PLPP1: variants seen among roughly 807,000 people sequenced by gnomAD.
PLPP1 encodes lipid phosphate phosphohydrolase 1a.
Under a neutral mutation model 31.2 loss-of-function variants are expected in PLPP1, and 24 were observed. That is an observed-to-expected ratio of 0.77 (90% CI 0.56 to 1.08). PLPP1 has a LOEUF of 1.08. Among genes scored for constraint, PLPP1 ranks in the 50% least tolerant of loss-of-function variants. The pLI is 0.00. For synonymous variants in PLPP1, 146 were observed against 126.3 expected (o/e 1.16, Z -1.05); for missense variants, 319 against 342.7 (o/e 0.93, Z 0.55).
chr5:55,485,856 C>A (rs1476189512), intron 1 of PLPP1, among the ~76,000 whole-genome samples: 1 of 152,052 alleles, frequency 6.6e-6, no homozygotes, highest in African/African-American at 2.4e-5. Context: ...AATCATAAAA[C>A]AGTCCCCTAC....
At chr5:55,493,537 G>T (rs1752941452) in intron 1 of PLPP1, among the ~76,000 whole-genome samples, 1 of 151,822 alleles carries the variant, frequency 6.6e-6, no homozygotes, top group Non-Finnish European at 1.5e-5. Context: ...GAGGCCAGAA[G>T]TTCAAGACCA....
chr5:55,493,314 C>CA (rs572344012), intron 1 of PLPP1, among the ~76,000 whole-genome samples: 4,671 of 103,762 alleles, frequency 0.045, 86 homozygotes, highest in African/African-American at 0.06. Context: ...GACCCTGTCT[C>CA]AAAAAAAAAA....
At chr5:55,504,814 CTTTTTT>C (rs1170388009) in intron 1 of PLPP1, among the ~76,000 whole-genome samples, 1 of 138,036 alleles carries the variant, frequency 7.2e-6, no homozygotes, top group East Asian at 2.0e-4. Flanking sequence ...CCTAACTTTC[CTTTTTT>C]TTTTTTTTTT....
chr5:55,426,758 C>A (rs958477280), intron 4 of PLPP1, among the ~76,000 whole-genome samples: 2 of 152,098 alleles, frequency 1.3e-5, no homozygotes, highest in Non-Finnish European at 2.9e-5. Flanking sequence ...GCATTCTGGG[C>A]ACAGGTTGCC....
At chr5:55,532,043 A>G (rs1351367775) in intron 1 of PLPP1, among the ~76,000 whole-genome samples, 4 of 152,204 alleles carry the variant, frequency 2.6e-5, no homozygotes, top group African/African-American at 9.7e-5. Context: ...CTCCAAAACC[A>G]CCAAAAACAC....
At chr5:55,463,925 T>G (rs557821434) in intron 3 of PLPP1, among the ~76,000 whole-genome samples, 7 of 151,642 alleles carry the variant, frequency 4.6e-5, no homozygotes, top group Non-Finnish European at 1.0e-4. Context: ...TATAAAGAAC[T>G]CTTACAACTC....
chr5:55,430,939 AAT>A (rs750628752), intron 4 of PLPP1, among the ~76,000 whole-genome samples: 5 of 152,198 alleles, frequency 3.3e-5, no homozygotes, highest in Non-Finnish European at 7.3e-5. Context: ...CATTGAATGA[AAT>A]ATAAAATAGA....
intron 1 of PLPP1, among the ~76,000 whole-genome samples, chr5:55,477,864 C>T (rs1241481704): frequency 6.6e-6 from 1 of 151,756 alleles, no homozygotes; most frequent in Admixed American, 6.6e-5. Context: ...CCTGTAGTCC[C>T]GGCTACTTAG....
intron 3 of PLPP1, among the ~76,000 whole-genome samples, chr5:55,455,387 T>G (rs1344856846): frequency 6.6e-6 from 1 of 151,870 alleles, no homozygotes; most frequent in Middle Eastern, 3.2e-3. Flanking sequence ...AGCCCAGGTG[T>G]TTAAGACCAA....
intron 1 of PLPP1, among the ~76,000 whole-genome samples, chr5:55,486,637 G>T (rs1027835130): frequency 2.0e-5 from 3 of 151,758 alleles, no homozygotes; most frequent in Non-Finnish European, 4.4e-5. Context: ...AGCCTTGGTC[G>T]GGCGCCGTGG....
intron 3 of PLPP1, among the ~76,000 whole-genome samples, chr5:55,466,815 AATC>A (rs1752307308): frequency 2.6e-5 from 1 of 38,764 alleles, no homozygotes; most frequent in African/African-American, 5.7e-5. Flanking sequence ...TATCTAAAAA[AATC>A]AAACAAACAA....
chr5:55,451,916 GA>G (rs1322039521), intron 3 of PLPP1, among the ~76,000 whole-genome samples: 1 of 152,110 alleles, frequency 6.6e-6, no homozygotes, highest in East Asian at 1.9e-4. Flanking sequence ...TGCTGTTAGA[GA>G]AAAGAAACCA....
rs185880605 is a variant in PLPP1 at position 55,528,754 on chromosome 5, G to A, written c.58+5818C>T. 2.4e-3 allele frequency among the ~76,000 whole-genome samples: 371 copies of A among 152,202 alleles called. 1 individual carries two copies. Among genetic ancestry groups the A allele is most frequent in the African/African-American group, 8.7e-3 (362 of 41,520 alleles). On this transcript the variant is annotated intron_variant, in intron 1 of 5. Transcript: ENST00000307259. Reference sequence around the variant, plus strand: ...AAATATACCTTTTTATACAATATATGTATATATTAGCAGCAAACTACTGAG... The same window carrying A: ...AAATATACCTTTTTATACAATATATATATATATTAGCAGCAAACTACTGAG...
At chr5:55,450,253 T>C (rs558038541) in intron 3 of PLPP1, among the ~76,000 whole-genome samples, 1 of 152,238 alleles carries the variant, frequency 6.6e-6, no homozygotes, top group East Asian at 1.9e-4. Context: ...GTGAATCACA[T>C]GCCGAGTGAC....
chr5:55,501,753 C>A (rs1356658830), intron 1 of PLPP1, among the ~76,000 whole-genome samples: 1 of 152,216 alleles, frequency 6.6e-6, no homozygotes, highest in Non-Finnish European at 1.5e-5. Context: ...ATCCACCCCC[C>A]TCAGCCTCCC....
intron 1 of PLPP1, among the ~76,000 whole-genome samples, chr5:55,531,792 A>G (rs970077132): frequency 6.6e-6 from 1 of 152,242 alleles, no homozygotes; most frequent in African/African-American, 2.4e-5. Flanking sequence ...AAAGTTTTGT[A>G]TCTCCTGCAC....
At chr5:55,479,773 C>T (rs528667604) in intron 1 of PLPP1, among the ~76,000 whole-genome samples, 3 of 152,156 alleles carry the variant, frequency 2.0e-5, no homozygotes, top group African/African-American at 7.2e-5. Flanking sequence ...AATTTCTACT[C>T]CTTGAAACCA....
At chr5:55,526,521 GTTT>G (rs989500796) in intron 1 of PLPP1, among the ~76,000 whole-genome samples, 4 of 152,010 alleles carry the variant, frequency 2.6e-5, no homozygotes, top group African/African-American at 9.7e-5. Flanking sequence ...ATTTTTGTTC[GTTT>G]TTTGAGATTC....
chr5:55,453,073 A>G lies in PLPP1; in HGVS notation c.492-11165T>C, dbSNP rs147272136. On this transcript the variant is annotated intron_variant, in intron 3 of 5. Coordinates refer to ENST00000307259, the MANE Select transcript of PLPP1 (RefSeq NM_003711.4). ...AGTAGAATCTAAACTATTGAGTAAT[A>G]AAGTTTTATTTAATTATCCAAGATA... Among the ~76,000 whole-genome samples, 412 of 152,316 alleles carry G rather than the reference A, an allele frequency of 2.7e-3. 4 individuals carry two copies. The highest frequency in any genetic ancestry group is 0.026 in the South Asian group (125 of 4,822).
Sources: allele counts gnomAD v4.1 joint callset (sites outside exome capture counted in the v4.1 genomes callset), GRCh38; gene constraint gnomAD v4.1.1; transcripts MANE v1.5; gene names NCBI Gene and HGNC (gene_info 2026-07-23, HGNC 2026-07-21).